N4BP2: variants seen among roughly 807,000 people sequenced by gnomAD.
The protein encoded by N4BP2 is NEDD4 binding protein 2, also known as NEDD4-binding protein 2.
In N4BP2, 91 loss-of-function variants were observed where a neutral mutation model predicts 152.8. That is an observed-to-expected ratio of 0.60 (90% CI 0.50 to 0.71). N4BP2 has a LOEUF of 0.71. Ranked by LOEUF, N4BP2 falls within the 30% of genes least tolerant of loss-of-function variation. The probability of loss-of-function intolerance (pLI) is 0.00; values close to 1 mark genes in which losing one functional copy is unlikely to be tolerated. For synonymous variants in N4BP2, 646 were observed against 705.3 expected, an observed-to-expected ratio of 0.92 and a Z score of 1.33; for missense variants, 1,923 against 2,059.1, an observed-to-expected ratio of 0.93 and a Z score of 1.28.
chr4:40,189,407 G>T, the N4BP2 span, among the ~76,000 whole-genome samples: 1 of 152,180 alleles, frequency 6.6e-6, no homozygotes, highest in Admixed American at 6.5e-5. This position sits in a 1 kb window ranked among gnomAD's most constrained non-coding sequence, Gnocchi z 4.3. Flanking sequence ...GGACTGAGCA[G>T]TGAAGTGGAG....
chr4:40,131,865 A>G lies in N4BP2; in HGVS notation c.4592A>G (p.Lys1531Arg). 6.2e-7 allele frequency: 1 copy of G among 1,613,756 alleles called. No individual in the cohort carries two copies. Among genetic ancestry groups the G allele is most frequent in the Non-Finnish European group, 8.5e-7 (1 of 1,179,782 alleles). ...ATKLKEKQLF[K>R]IFPAINQNFL... ...AAACTAAAGGAGAAGCAGCTCTTTA[A>G]GATATTTCCAGCCATTAACCAAAAT... is the stretch of plus-strand genomic sequence containing the variant. The change falls in exon 13 of 18, where the codon AAG becomes AGG. Residue 1531 changes from lysine (K) to arginine (R), a missense_variant. Lys to Arg is a conservative substitution (Grantham distance 26). Transcript: ENST00000261435.
At chr4:40,107,443 G>C (rs563611132) in intron 5 of N4BP2, among the ~76,000 whole-genome samples, 80 of 152,054 alleles carry the variant, frequency 5.3e-4, no homozygotes, top group Middle Eastern at 3.4e-3. Context: ...TAGTACAGTG[G>C]TGCAATCTGG....
At position 40,056,887 on chromosome 4, in the gene N4BP2, C is replaced by G. The variant is rs568515030; in HGVS notation, c.-355C>G. 2.0e-5 allele frequency: 3 copies of G among 152,162 alleles called. No homozygotes were observed. The highest frequency in any genetic ancestry group is 7.2e-5 in the African/African-American group (3 of 41,548). The allele number at this position is 152,162 out of a possible 1,614,324, so 9.4% of individuals were successfully genotyped here. A position where few individuals can be genotyped will look rare whatever the true frequency, so the allele number is the denominator to read the frequency against. On this transcript the variant is annotated 5_prime_UTR_variant, in exon 1 of 18. Transcript: ENST00000261435. ...CCGGGCGCGCTCGCCGTGTCTCCCC[C>G]GCGGCCGCAGCTGCTTGCTAGCCTT...
At chr4:40,147,585 G>A (rs1407741043) in intron 16 of N4BP2, among the ~76,000 whole-genome samples, 3 of 148,988 alleles carry the variant, frequency 2.0e-5, no homozygotes, top group Non-Finnish European at 4.5e-5. Flanking sequence ...CCGGGTGGGG[G>A]CTGACCCCCC....
chr4:40,073,328 T>C (rs1354446966), intron 1 of N4BP2, 127 bp from the exon 2 acceptor site: 1 of 152,122 alleles, frequency 6.6e-6, no homozygotes, highest in Non-Finnish European at 1.5e-5. Context: ...TTGTCTTTTC[T>C]CTTTTGTCAC....
At chr4:40,115,184 A>G (rs1022990127) in intron 7 of N4BP2, among the ~76,000 whole-genome samples, 2 of 152,170 alleles carry the variant, frequency 1.3e-5, no homozygotes, top group African/African-American at 2.4e-5. Flanking sequence ...ATTTTCTAAT[A>G]TGACATTTGA....
At chr4:40,165,264 CT>C in the N4BP2 span, among the ~76,000 whole-genome samples, 11 of 148,630 alleles carry the variant, frequency 7.4e-5, no homozygotes, top group Admixed American at 6.7e-5. Flanking sequence ...TCAATCTGTA[CT>C]TTTTTTTTTG....
At chr4:40,137,222 G>T in intron 14 of N4BP2, 140 bp downstream of exon 14, 1 of 695,340 alleles carries the variant, frequency 1.4e-6, no homozygotes, top group Admixed American at 3.2e-5. Context: ...TGGCATATTT[G>T]GCTTATAATA....
chr4:40,159,728 T>G (rs1214452968), downstream of N4BP2, among the ~76,000 whole-genome samples: 2 of 152,206 alleles, frequency 1.3e-5, no homozygotes, highest in African/African-American at 4.8e-5. Flanking sequence ...TGGTATTCTC[T>G]TGGAGGAAAG....
Position 40,112,162 on chromosome 4 carries a change from A to T in N4BP2, c.1577A>T (p.Tyr526Phe). Residue 526 changes from tyrosine (Y) to phenylalanine (F), a missense_variant, in exon 6 of 18, where the codon TAT becomes TTT. By Grantham distance (22) the Tyr-to-Phe change is conservative. Coordinates refer to ENST00000261435, the MANE Select transcript of N4BP2 (RefSeq NM_018177.6). Reference sequence around the variant, plus strand: ...CTACAGGCATGGGAAATGAAACCATATGTTGCTTTGGTTAGTACCATAAGT... The same window carrying T: ...CTACAGGCATGGGAAATGAAACCATTTGTTGCTTTGGTTAGTACCATAAGT... ...TNLQAWEMKPYVALSQKHKYK... is the reference protein window; with the variant it reads ...TNLQAWEMKPFVALSQKHKYK... 6.4e-7 allele frequency: 1 copy of T among 1,562,304 alleles called. No individual in the cohort carries two copies. Among genetic ancestry groups the T allele is most frequent in the South Asian group, 1.2e-5 (1 of 86,488 alleles).
At position 40,119,949 on chromosome 4, in the gene N4BP2, A is replaced by G; in HGVS notation, c.1838A>G (p.Asp613Gly). ...TCTTACAGCCCAAGAGACGATGAAG[A>G]TATTATCTCTGAAAAAGAAGAAAAT... ...DRSTSPRDDE[D>G]IISEKEENIL... is the part of the protein sequence containing the mutation. Residue 613 changes from aspartate to glycine, a missense_variant, in exon 9 of 18, where the codon GAT (aspartate) becomes GGT (glycine). Transcript: ENST00000261435. 1 of 1,424,890 alleles carries G rather than the reference A, an allele frequency of 7.0e-7. No individual in the cohort carries two copies. The highest frequency in any genetic ancestry group is 9.6e-7 in the Non-Finnish European group (1 of 1,040,322). 88.3% of individuals were successfully genotyped at this position (1,424,890 alleles called of 1,614,324 possible).
At chr4:40,064,431 C>T (rs780013232) in intron 1 of N4BP2, among the ~76,000 whole-genome samples, 28 of 151,934 alleles carry the variant, frequency 1.8e-4, no homozygotes, top group Non-Finnish European at 3.2e-4. Context: ...CGCACCACCA[C>T]GCCTGGCTAA....
chr4:40,151,291 G>T (rs1721132329), intron 16 of N4BP2, among the ~76,000 whole-genome samples: 1 of 152,108 alleles, frequency 6.6e-6, no homozygotes, highest in Admixed American at 6.6e-5. Flanking sequence ...TTTTCTTTTT[G>T]AGATGGGAGT....
chr4:40,182,072 G>A, the N4BP2 span, among the ~76,000 whole-genome samples: 27 of 152,348 alleles, frequency 1.8e-4, no homozygotes, highest in African/African-American at 6.0e-4. Flanking sequence ...CAGCTGAAAA[G>A]AAGATTGGGA....
the N4BP2 span, chr4:40,167,869 C>A: frequency 1.3e-5 from 2 of 152,030 alleles, no homozygotes; most frequent in East Asian, 3.8e-4. Context: ...GTAAAAGTTA[C>A]AATTTTTCTC....
chr4:40,148,550 T>C (rs991634726), intron 16 of N4BP2, among the ~76,000 whole-genome samples: 9 of 152,200 alleles, frequency 5.9e-5, no homozygotes, highest in African/African-American at 2.2e-4. Flanking sequence ...ACAGGATTTG[T>C]CTTTCTGTGT....
At chr4:40,189,579 G>C in the N4BP2 span, among the ~76,000 whole-genome samples, 3 of 152,184 alleles carry the variant, frequency 2.0e-5, no homozygotes, top group Admixed American at 6.5e-5. The surrounding 1 kb of genome is among the most constrained non-coding windows in gnomAD (Gnocchi z 4.3). Flanking sequence ...ACGGATTTAC[G>C]CCGATGATAA....
At chr4:40,115,313 A>T (rs1381864161) in intron 7 of N4BP2, among the ~76,000 whole-genome samples, 1 of 152,182 alleles carries the variant, frequency 6.6e-6, no homozygotes, top group Non-Finnish European at 1.5e-5. Flanking sequence ...TCTGGGCAAC[A>T]GAGTGGGACC....
At chr4:40,142,471 G>T in intron 14 of N4BP2, 1 of 514,296 alleles carries the variant, frequency 1.9e-6, no homozygotes. Context: ...TTAAAGAAAG[G>T]GTAACCTTAG....
Sources: allele counts gnomAD v4.1 joint callset (sites outside exome capture counted in the v4.1 genomes callset), GRCh38; gene constraint gnomAD v4.1.1; non-coding constraint Gnocchi (gnomAD v3.1); transcripts MANE v1.5; gene names NCBI Gene and HGNC (gene_info 2026-07-23, HGNC 2026-07-21).